PCDH15: variants seen among roughly 807,000 people sequenced by gnomAD.
PCDH15 encodes protocadherin-15.
Under a neutral mutation model 178.5 loss-of-function variants are expected in PCDH15, and 129 were observed. That is an observed-to-expected ratio of 0.72 (90% CI 0.63 to 0.84). The LOEUF (loss-of-function observed/expected upper bound fraction) is 0.84. Among genes scored for constraint, PCDH15 ranks in the 40% least tolerant of loss-of-function variants. The pLI, the probability that PCDH15 is intolerant of heterozygous loss-of-function variation, is 0.00. For missense variants in PCDH15, 2,230 were observed against 2,099.9 expected (o/e 1.06, Z -1.21); for synonymous variants, 800 against 732.0 (o/e 1.09, Z -1.50).
At chr10:55,066,990 A>G (rs1040399853) in intron 2 of PCDH15, among the ~76,000 whole-genome samples, 2 of 151,986 alleles carry the variant, frequency 1.3e-5, no homozygotes, top group Non-Finnish European at 2.9e-5. Context: ...ATCATTACAC[A>G]TTCTATGCAT....
At chr10:53,848,477 A>G (rs2078125200) in intron 28 of PCDH15, among the ~76,000 whole-genome samples, 2 of 152,110 alleles carry the variant, frequency 1.3e-5, no homozygotes, top group Non-Finnish European at 2.9e-5. Flanking sequence ...GGAGAAAAAC[A>G]GATTATAATA....
At chr10:55,541,127 C>T (rs916700644) in intron 2 of PCDH15, among the ~76,000 whole-genome samples, 8 of 151,994 alleles carry the variant, frequency 5.3e-5, no homozygotes, top group Middle Eastern at 3.4e-3. Context: ...CAAATAGAGG[C>T]TAAGAATACA....
Position 53,807,094 on chromosome 10 carries a change from G to T in PCDH15, c.4708C>A (p.Arg1570=). Residue 1570 remains arginine, a synonymous_variant, in exon 38 of 38, where the codon CGA becomes AGA. Transcript: ENST00000644397. ...CCAGTTGAGCTGGTTTCATACTCTC[G>T]ATCAACAACTAACTTGATCATTCTT... is the stretch of plus-strand genomic sequence containing the variant. ...RKRMIKLVVD[R]EYETSSTGED... is the part of the protein sequence containing the mutation. The T allele has an allele frequency of 2.5e-6, 4 of 1,611,252 alleles. No individual in the cohort carries two copies. Among genetic ancestry groups the T allele is most frequent in the Non-Finnish European group, 3.4e-6 (4 of 1,178,904 alleles).
At chr10:53,964,860 G>A (rs966647905) in intron 21 of PCDH15, among the ~76,000 whole-genome samples, 3 of 152,058 alleles carry the variant, frequency 2.0e-5, no homozygotes, top group African/African-American at 7.2e-5. Flanking sequence ...GTGAAAGAGT[G>A]GGGGTTTAGC....
At chr10:54,223,552 A>ATTTTTTTTTTTTTT (rs2053113997) in intron 9 of PCDH15, among the ~76,000 whole-genome samples, 55 of 99,370 alleles carry the variant, frequency 5.5e-4, no homozygotes, top group Non-Finnish European at 1.1e-3. Context: ...CTTTTGCTTC[A>ATTTTTTTTTTTTTT]TATTATTTTT....
chr10:54,987,286 T>C (rs1270732654), intron 2 of PCDH15, among the ~76,000 whole-genome samples: 1 of 152,186 alleles, frequency 6.6e-6, no homozygotes, highest in African/African-American at 2.4e-5. Flanking sequence ...TTGGGTTCAT[T>C]CCAAGTCTTT....
At chr10:54,456,290 C>T (rs2076816676) in intron 3 of PCDH15, among the ~76,000 whole-genome samples, 1 of 152,080 alleles carries the variant, frequency 6.6e-6, no homozygotes, top group Non-Finnish European at 1.5e-5. Flanking sequence ...AGCAGAGCTG[C>T]CCAAGGCTGT....
intron 1 of PCDH15, among the ~76,000 whole-genome samples, chr10:55,279,314 T>A (rs556411992): frequency 2.6e-5 from 4 of 152,268 alleles, no homozygotes; most frequent in African/African-American, 9.6e-5. Flanking sequence ...GCGTGGAAAT[T>A]ACACAGATAT....
At chr10:55,040,282 G>A (rs957622687) in intron 2 of PCDH15, among the ~76,000 whole-genome samples, 1 of 152,038 alleles carries the variant, frequency 6.6e-6, no homozygotes, top group Non-Finnish European at 1.5e-5. Context: ...CACTCAAGCT[G>A]TGTCCAGAAA....
At chr10:54,004,863 G>A (rs1236020384) in intron 20 of PCDH15, among the ~76,000 whole-genome samples, 8 of 145,658 alleles carry the variant, frequency 5.5e-5, no homozygotes, top group Admixed American at 6.8e-5. Context: ...TAAACAAAAG[G>A]AAAAAAAAAA....
At chr10:54,650,348 TCC>T in intron 2 of PCDH15, among the ~76,000 whole-genome samples, 2 of 152,136 alleles carry the variant, frequency 1.3e-5, no homozygotes, top group Non-Finnish European at 2.9e-5. Flanking sequence ...TCTTTATAGT[TCC>T]CTGATCTCTA....
rs192705056 is a variant in PCDH15, at chr10:53,924,083, G to A, written c.3373+14732C>T. 5.8e-3 allele frequency among the ~76,000 whole-genome samples: 890 copies of A among 152,306 alleles called. 12 individuals are homozygous for A. The highest frequency in any genetic ancestry group is 0.02 in the African/African-American group (843 of 41,570). On this transcript the variant is annotated intron_variant, in intron 25 of 37. Coordinates refer to ENST00000644397, the MANE Select transcript of PCDH15 (RefSeq NM_001384140.1). ...CAGCCTTGGCGCCCACTCTGGCCGC[G>A]CTTGAGGAGCCCTTCAGCCCGCGGC...
At chr10:55,513,374 T>C (rs1009065439) in intron 2 of PCDH15, among the ~76,000 whole-genome samples, 5 of 152,118 alleles carry the variant, frequency 3.3e-5, no homozygotes, top group Admixed American at 6.6e-5. Context: ...TGGTCATCTA[T>C]GTAGTATTCT....
chr10:55,213,201 A>T (rs1478596381), intron 1 of PCDH15, among the ~76,000 whole-genome samples: 1 of 152,078 alleles, frequency 6.6e-6, no homozygotes, highest in Non-Finnish European at 1.5e-5. Flanking sequence ...TAGACAATGA[A>T]AATAGATGGT....
At chr10:55,391,760 A>G (rs1837798898) in intron 2 of PCDH15, among the ~76,000 whole-genome samples, 1 of 152,172 alleles carries the variant, frequency 6.6e-6, no homozygotes, top group Non-Finnish European at 1.5e-5. Context: ...TGCTGGGATT[A>G]CAAGCATGAG....
intron 2 of PCDH15, among the ~76,000 whole-genome samples, chr10:54,993,185 G>T (rs1026011825): frequency 1.3e-5 from 2 of 152,078 alleles, no homozygotes; most frequent in South Asian, 4.1e-4. Context: ...GGTCGATGAG[G>T]GAAATAGAAG....
chr10:54,353,842 C>T (rs1430263638), intron 5 of PCDH15, among the ~76,000 whole-genome samples: 1 of 151,854 alleles, frequency 6.6e-6, no homozygotes, highest in Non-Finnish European at 1.5e-5. Context: ...AAATAATAGA[C>T]AAATTCATGT....
intron 1 of PCDH15, among the ~76,000 whole-genome samples, chr10:54,755,524 A>C (rs532572446): frequency 6.6e-6 from 1 of 152,270 alleles, no homozygotes; most frequent in East Asian, 1.9e-4. Flanking sequence ...TTGGAGAATA[A>C]ATTTATTTAT....
intron 29 of PCDH15, among the ~76,000 whole-genome samples, chr10:53,832,760 G>A (rs1406028541): frequency 6.6e-6 from 1 of 151,820 alleles, no homozygotes; most frequent in African/African-American, 2.4e-5. Context: ...TCTATTTTAT[G>A]CCCTTTTGAG....
Sources: allele counts gnomAD v4.1 joint callset (sites outside exome capture counted in the v4.1 genomes callset), GRCh38; gene constraint gnomAD v4.1.1; transcripts MANE v1.5; gene names NCBI Gene and HGNC (gene_info 2026-07-23, HGNC 2026-07-21).